Variants in IL1RAPL1 observed in about 807,000 individuals in gnomAD.
IL1RAPL1 encodes interleukin 1 receptor accessory protein like 1, also known as interleukin-1 receptor accessory protein-like 1.
In IL1RAPL1, 3 loss-of-function variants were observed where a neutral mutation model predicts 48.4. The ratio of observed to expected loss-of-function variants is 0.06; its 90% confidence interval spans 0.03 to 0.16. IL1RAPL1 has a LOEUF of 0.16. IL1RAPL1 is among the 10% of genes least tolerant of loss of function. The pLI, the probability that IL1RAPL1 is intolerant of heterozygous loss-of-function variation, is 1.00. For synonymous variants in IL1RAPL1, 185 were observed against 187.7 expected (o/e 0.99, Z 0.12); for missense variants, 349 against 530.6 (o/e 0.66, Z 3.36).
intron 5 of IL1RAPL1, among the ~76,000 whole-genome samples, chrX:29,550,735 G>T (rs1226235048): frequency 8.9e-6 from 1 of 111,957 alleles, no homozygotes; most frequent in African/African-American, 3.2e-5. Context: ...CCAGGGAAAA[G>T]ATGATGATCA....
chrX:28,726,379 G>A (rs192371061), intron 1 of IL1RAPL1, among the ~76,000 whole-genome samples: 63 of 112,225 alleles, frequency 5.6e-4, no homozygotes, highest in African/African-American at 1.6e-3. Flanking sequence ...AACATTGCAC[G>A]CAAGTGTTAA....
At chrX:29,884,448 C>T (rs1016018000) in intron 6 of IL1RAPL1, among the ~76,000 whole-genome samples, 1 of 110,479 alleles carries the variant, frequency 9.1e-6, no homozygotes, top group Non-Finnish European at 1.9e-5. Flanking sequence ...TTCCCTCCCA[C>T]CATTCTGGTC....
intron 5 of IL1RAPL1, among the ~76,000 whole-genome samples, chrX:29,430,798 AATT>A (rs1434635315): frequency 9.1e-6 from 1 of 110,378 alleles, no homozygotes; most frequent in East Asian, 2.8e-4. Flanking sequence ...GTAATAAAAT[AATT>A]AAAATAATTA....
At chrX:29,292,746 A>G (rs1479205883) in intron 3 of IL1RAPL1, among the ~76,000 whole-genome samples, 1 of 110,811 alleles carries the variant, frequency 9.0e-6, no homozygotes, top group Non-Finnish European at 1.9e-5. Context: ...TTTTTAAACT[A>G]TCTCTCTTAA....
chrX:29,380,717 G>A (rs757010321), intron 3 of IL1RAPL1, among the ~76,000 whole-genome samples: 10 of 112,324 alleles, frequency 8.9e-5, no homozygotes, highest in East Asian at 5.6e-4. Flanking sequence ...GCACACCAGT[G>A]TTACTGGTCA....
At chrX:29,631,539 C>G (rs2147079659) in intron 5 of IL1RAPL1, among the ~76,000 whole-genome samples, 1 of 112,474 alleles carries the variant, frequency 8.9e-6, no homozygotes, top group South Asian at 3.7e-4. Flanking sequence ...CCTCGGCCCC[C>G]ACAAAGTTCT....
At chrX:29,281,683 T>C (rs1932204157) in intron 2 of IL1RAPL1, among the ~76,000 whole-genome samples, 1 of 111,864 alleles carries the variant, frequency 8.9e-6, no homozygotes, top group South Asian at 3.7e-4. Context: ...GTTGTATCAG[T>C]TTGGGTCCAG....
intron 2 of IL1RAPL1, among the ~76,000 whole-genome samples, chrX:29,129,306 G>T (rs1466337009): frequency 9.0e-6 from 1 of 110,501 alleles, no homozygotes; most frequent in Non-Finnish European, 1.9e-5. Context: ...GCCTCCCAAA[G>T]TTCTGGGATT....
intron 2 of IL1RAPL1, among the ~76,000 whole-genome samples, chrX:29,057,312 A>G (rs1834962953): frequency 8.9e-6 from 1 of 112,204 alleles, no homozygotes; most frequent in African/African-American, 3.2e-5. Context: ...GATAATCTAT[A>G]CTAATGGACC....
chrX:29,696,077 C>T (rs891343498), intron 6 of IL1RAPL1, among the ~76,000 whole-genome samples: 3 of 111,324 alleles, frequency 2.7e-5, no homozygotes, highest in African/African-American at 9.8e-5. Flanking sequence ...TTCTCATCCT[C>T]GGCACTACTG....
intron 2 of IL1RAPL1, among the ~76,000 whole-genome samples, chrX:29,196,054 A>G (rs1485798050): frequency 8.9e-6 from 1 of 112,464 alleles, no homozygotes; most frequent in Non-Finnish European, 1.9e-5. Context: ...GATTTATGCC[A>G]GGCTGTCACC....
At chrX:28,999,173 A>G (rs763599827) in intron 2 of IL1RAPL1, among the ~76,000 whole-genome samples, 1 of 110,653 alleles carries the variant, frequency 9.0e-6, no homozygotes, top group Non-Finnish European at 1.9e-5. Flanking sequence ...CATAGTCTCA[A>G]CTTCAAACAT....
chrX:28,624,806 T>G (rs1268308508), intron 1 of IL1RAPL1, among the ~76,000 whole-genome samples: 3 of 112,210 alleles, frequency 2.7e-5, no homozygotes, highest in Non-Finnish European at 5.6e-5. Flanking sequence ...ACACATTTTT[T>G]GTAGTCCCCA....
At chrX:29,606,710 C>G (rs1923904305) in intron 5 of IL1RAPL1, among the ~76,000 whole-genome samples, 1 of 111,847 alleles carries the variant, frequency 8.9e-6, no homozygotes, top group Admixed American at 9.5e-5. Context: ...TTGGAATTGC[C>G]TGAGCTACCT....
At chrX:29,109,887 A>G (rs1928526546) in intron 2 of IL1RAPL1, among the ~76,000 whole-genome samples, 1 of 112,055 alleles carries the variant, frequency 8.9e-6, no homozygotes, top group South Asian at 3.7e-4. Context: ...ATTAGATTAC[A>G]GTGAAAAGAA....
intron 6 of IL1RAPL1, among the ~76,000 whole-genome samples, chrX:29,874,193 T>C (rs1336554502): frequency 2.7e-5 from 3 of 111,207 alleles, no homozygotes; most frequent in African/African-American, 3.3e-5. Flanking sequence ...TAGATGACTA[T>C]TCCCCATTCC....
chrX:29,765,499 T>A (rs891930697), intron 6 of IL1RAPL1, among the ~76,000 whole-genome samples: 3 of 112,171 alleles, frequency 2.7e-5, no homozygotes, highest in African/African-American at 9.7e-5. Flanking sequence ...CATACATTTT[T>A]AATTACATGT....
chrX:29,216,129 G>A (rs938520754), intron 2 of IL1RAPL1, among the ~76,000 whole-genome samples: 2 of 111,683 alleles, frequency 1.8e-5, no homozygotes, highest in African/African-American at 6.5e-5. Flanking sequence ...CAACGAAATT[G>A]GACTTTAGGC....
intron 2 of IL1RAPL1, among the ~76,000 whole-genome samples, chrX:29,217,523 G>A (rs978768281): frequency 1.2e-4 from 13 of 111,345 alleles, no homozygotes; most frequent in African/African-American, 3.9e-4. Flanking sequence ...TTGTTCTTGC[G>A]AAGTTAAAAC....
Sources: gnomAD v4.1 joint callset for allele counts (sites outside exome capture counted in the v4.1 genomes callset) on GRCh38, gnomAD v4.1.1 for gene constraint, MANE v1.5 for transcripts, NCBI Gene and HGNC (gene_info 2026-07-23, HGNC 2026-07-21) for gene names.